The following LRBA variants were observed in gnomAD, a reference collection of about 807,000 sequenced individuals.
LRBA encodes the protein lipopolysaccharide-responsive and beige-like anchor protein.
A neutral mutation model predicts 330.0 loss-of-function variants in LRBA; 176 were observed. The ratio of observed to expected loss-of-function variants is 0.53; its 90% CI spans 0.47 to 0.60. The LOEUF is 0.60. LRBA is among the 20% of genes least tolerant of loss of function. LRBA has a pLI of 0.00. For missense variants in LRBA, 3,259 were observed against 3,444.8 expected (o/e 0.95, Z 1.35); for synonymous variants, 1,230 against 1,193.0 (o/e 1.03, Z -0.64).
intron 42 of LRBA, among the ~76,000 whole-genome samples, chr4:150,480,310 T>C (rs1757155291): frequency 6.6e-6 from 1 of 152,150 alleles, no homozygotes; most frequent in Admixed American, 6.6e-5. Flanking sequence ...TACTTTCAAC[T>C]ATATAAATAC....
intron 2 of LRBA, among the ~76,000 whole-genome samples, chr4:150,994,427 C>A (rs72963644): frequency 0.054 from 8,236 of 152,268 alleles, 675 homozygotes; most frequent in African/African-American, 0.18. Flanking sequence ...CACAGTCATC[C>A]ATCCAACATG....
chr4:150,291,816 A>G lies in LRBA; in HGVS notation c.8018-5782T>C, dbSNP rs1411774254. ...TTATTCACAATAGCAAAGACTTGGA[A>G]CCAACCCAAATGTCCAACAACGATA... is the stretch of plus-strand genomic sequence containing the variant. On this transcript the variant is annotated intron_variant, in intron 53 of 56. Transcript: ENST00000651943. 4.6e-5 allele frequency among the ~76,000 whole-genome samples: 7 copies of G among 151,608 alleles called. No homozygotes were observed. In the East Asian group the frequency reaches 1.4e-3, roughly 29 times the overall value.
chr4:150,697,025 A>C (rs1379701984), intron 36 of LRBA, among the ~76,000 whole-genome samples: 4 of 150,738 alleles, frequency 2.7e-5, no homozygotes, highest in Non-Finnish European at 5.9e-5. Context: ...AAAAGTAAAA[A>C]GAAAAAAGAA....
At chr4:150,981,846 C>T (rs1384613860) in intron 2 of LRBA, among the ~76,000 whole-genome samples, 4 of 151,680 alleles carry the variant, frequency 2.6e-5, no homozygotes, top group Non-Finnish European at 5.9e-5. Flanking sequence ...GCCTGTAGTC[C>T]CAGCTACTTG....
chr4:150,626,100 C>G (rs1484861744), intron 37 of LRBA, among the ~76,000 whole-genome samples: 2 of 151,898 alleles, frequency 1.3e-5, no homozygotes, highest in Non-Finnish European at 2.9e-5. Context: ...ATATATTCGT[C>G]TTTGATTTTT....
intron 36 of LRBA, among the ~76,000 whole-genome samples, chr4:150,713,781 G>A (rs1456080273): frequency 6.6e-6 from 1 of 152,016 alleles, no homozygotes; most frequent in Non-Finnish European, 1.5e-5. Flanking sequence ...GGAGTTAAAG[G>A]GATTTACAAT....
intron 40 of LRBA, among the ~76,000 whole-genome samples, chr4:150,540,190 T>C (rs1049796065): frequency 6.6e-6 from 1 of 152,218 alleles, no homozygotes; most frequent in Non-Finnish European, 1.5e-5. Context: ...TTAGGTAGTA[T>C]GCTGAACATT....
At chr4:150,315,757 G>T in intron 50 of LRBA, 134 bp from the exon 51 acceptor site, 1 of 615,888 alleles carries the variant, frequency 1.6e-6, no homozygotes, top group East Asian at 3.0e-5. Flanking sequence ...GAAATTTAAA[G>T]AACAAAAATC....
At chr4:150,529,275 T>C (rs1244886501) in intron 40 of LRBA, among the ~76,000 whole-genome samples, 1 of 152,160 alleles carries the variant, frequency 6.6e-6, no homozygotes, top group African/African-American at 2.4e-5. Context: ...ACCTTTACGG[T>C]GAGTATGCAT....
chr4:150,264,563 G>A lies in LRBA; in HGVS notation c.*1159C>T, dbSNP rs1745070956. 1 of 151,028 alleles carries A rather than the reference G, an allele frequency of 6.6e-6. No homozygotes were observed. Among genetic ancestry groups the A allele is most frequent in the South Asian group, 2.1e-4 (1 of 4,826 alleles). The allele number at this position is 151,028 out of a possible 1,614,324, so 9.4% of individuals were successfully genotyped here. Reference sequence around the variant, plus strand: ...TCAGCTTTTTCTGTCAAACTGAATTGTTCATTCCAAATCCTTGCTTTTAGA... The same window carrying A: ...TCAGCTTTTTCTGTCAAACTGAATTATTCATTCCAAATCCTTGCTTTTAGA... On this transcript the variant is annotated 3_prime_UTR_variant, in exon 57 of 57. Transcript: ENST00000651943.
At chr4:150,784,278 G>C (rs1738698967) in intron 34 of LRBA, among the ~76,000 whole-genome samples, 1 of 152,134 alleles carries the variant, frequency 6.6e-6, no homozygotes, top group African/African-American at 2.4e-5. Context: ...AGGGGTCCTC[G>C]GGAAGTTTTC....
At chr4:150,521,084 T>C (rs568300074) in intron 40 of LRBA, among the ~76,000 whole-genome samples, 30 of 152,318 alleles carry the variant, frequency 2.0e-4, no homozygotes, top group African/African-American at 6.5e-4. Flanking sequence ...TGTTCTTTTA[T>C]TCCAATATTG....
Position 150,697,919 on chromosome 4 carries a change from G to C in LRBA, c.5755-14202C>G, listed in dbSNP as rs187027870. The stretch of plus-strand genomic sequence containing the variant: ...AAAACTTTTTAAATATTCAATTTCT[G>C]TACTCAGCTCTTTGTGGATTACTAA... On this transcript the variant is annotated intron_variant, in intron 36 of 56. Coordinates refer to ENST00000651943, the MANE Select transcript of LRBA (RefSeq NM_001364905.1). Among the ~76,000 whole-genome samples the C allele has an allele frequency of 4.2e-3, 643 of 151,722 alleles. 4 individuals carry two copies. The highest frequency in any genetic ancestry group is 0.015 in the African/African-American group (622 of 41,380).
intron 53 of LRBA, among the ~76,000 whole-genome samples, chr4:150,298,678 G>A (rs1218494923): frequency 2.6e-5 from 4 of 151,978 alleles, no homozygotes; most frequent in African/African-American, 9.7e-5. Flanking sequence ...AGAAAAGTTA[G>A]GTTTTTTTCT....
rs372010196 is a variant in LRBA at position 150,265,768 on chromosome 4, T to A, written c.8513A>T (p.Tyr2838Phe). Residue 2838 changes from tyrosine (Y) to phenylalanine (F), a missense_variant, in exon 57 of 57, where the codon TAC (tyrosine) becomes TTC (phenylalanine). Transcript: ENST00000651943. ...ATGATGCCACCGGTTAAAGTCGTTG[T>A]AAAATAGCACAATGCTTCCTGAAGC... ...GMASGSIVLF[Y>F]NDFNRWHHEY... The A allele has an allele frequency of 6.2e-7, 1 of 1,613,754 alleles. No homozygotes were observed. The highest frequency in any genetic ancestry group is 1.3e-5 in the African/African-American group (1 of 75,022).
At position 150,943,724 on chromosome 4, in the gene LRBA, T is replaced by C. The variant is rs1157505513; in HGVS notation, c.217-14659A>G. Among the ~76,000 whole-genome samples, 10 of 152,318 alleles carry C rather than the reference T, an allele frequency of 6.6e-5. No homozygotes were observed. The East Asian group carries it at 1.9e-3, about 29-fold the overall frequency. Reference sequence around the variant, plus strand: ...AAAAGACATCTTCAATTAAGATTACTTTAGGAAAAAAGAAAATATGAGCAA... The same window carrying C: ...AAAAGACATCTTCAATTAAGATTACCTTAGGAAAAAAGAAAATATGAGCAA... On this transcript the variant is annotated intron_variant, in intron 2 of 56. Coordinates refer to ENST00000651943, the MANE Select transcript of LRBA (RefSeq NM_001364905.1).
Position 150,487,214 on chromosome 4 carries a change from T to C in LRBA, c.6551+518A>G, listed in dbSNP as rs140157261. Among the ~76,000 whole-genome samples, 634 of 151,428 alleles carry C rather than the reference T, an allele frequency of 4.2e-3. 4 individuals are homozygous for C. The highest frequency in any genetic ancestry group is 0.014 in the African/African-American group (570 of 41,418). ...TATACGTGTGTGTACCATTATGATA[T>C]ATATCGTGTGTGTGTATATTTATAC... On this transcript the variant is annotated intron_variant, in intron 42 of 56. Coordinates refer to ENST00000651943, the MANE Select transcript of LRBA (RefSeq NM_001364905.1).
At chr4:150,750,862 T>G (rs1733430326) in intron 35 of LRBA, among the ~76,000 whole-genome samples, 1 of 151,538 alleles carries the variant, frequency 6.6e-6, no homozygotes, top group African/African-American at 2.4e-5. Context: ...AAGATGTGCT[T>G]CCTTAACCAG....
intron 44 of LRBA, among the ~76,000 whole-genome samples, chr4:150,448,544 G>A (rs560409428): frequency 6.6e-6 from 1 of 152,178 alleles, no homozygotes; most frequent in African/African-American, 2.4e-5. Flanking sequence ...GCTCACACCT[G>A]TAATCCCAGC....
Sources: allele counts gnomAD v4.1 joint callset (sites outside exome capture counted in the v4.1 genomes callset), GRCh38; gene constraint gnomAD v4.1.1; transcripts MANE v1.5; gene names NCBI Gene and HGNC (gene_info 2026-07-23, HGNC 2026-07-21).